The following LHFPL6 variants were observed in gnomAD, a reference collection of about 807,000 sequenced individuals.
LHFPL6 encodes LHFPL tetraspan subfamily member 6 protein.
In LHFPL6, 9 loss-of-function variants were observed where a neutral mutation model predicts 20.6. The observed-to-expected ratio is 0.44, with a 90% CI of 0.26 to 0.76. The LOEUF (loss-of-function observed/expected upper bound fraction) is 0.76, where lower values mean the gene tolerates loss of function less well. LHFPL6 is among the 30% of genes least tolerant of loss of function. The pLI, the probability that LHFPL6 is intolerant of heterozygous loss-of-function variation, is 0.20. For synonymous variants in LHFPL6, 105 were observed against 98.7 expected, an observed-to-expected ratio of 1.06 and a Z score of -0.38; for missense variants, 218 against 253.5, an observed-to-expected ratio of 0.86 and a Z score of 0.95.
chr13:39,556,705 A>G (rs1871312968), intron 2 of LHFPL6, among the ~76,000 whole-genome samples: 1 of 152,174 alleles, frequency 6.6e-6, no homozygotes, highest in Non-Finnish European at 1.5e-5. Context: ...GGCTCATGCT[A>G]TAAACCCAGC....
chr13:39,397,274 A>T (rs1199882781), intron 2 of LHFPL6, among the ~76,000 whole-genome samples: 2 of 152,188 alleles, frequency 1.3e-5, no homozygotes, highest in African/African-American at 4.8e-5. Flanking sequence ...TGGTTTCTCC[A>T]AGCACAACAT....
intron 2 of LHFPL6, among the ~76,000 whole-genome samples, chr13:39,419,114 C>G (rs1009898459): frequency 6.6e-6 from 1 of 152,116 alleles, no homozygotes; most frequent in African/African-American, 2.4e-5. Context: ...TGGGCTGTAC[C>G]AGTCCATCTA....
chr13:39,415,414 C>T (rs375252155), intron 2 of LHFPL6, among the ~76,000 whole-genome samples: 18 of 151,700 alleles, frequency 1.2e-4, no homozygotes, highest in Admixed American at 9.8e-4. Context: ...TGTATGCATA[C>T]GCACATGTGG....
chr13:39,352,552 G>A (rs1218855831), intron 3 of LHFPL6, among the ~76,000 whole-genome samples: 1 of 151,978 alleles, frequency 6.6e-6, no homozygotes, highest in African/African-American at 2.4e-5. Flanking sequence ...TGAGCTCCAT[G>A]GGATCCCCAT....
At chr13:39,478,619 C>A (rs1198849618) in intron 2 of LHFPL6, among the ~76,000 whole-genome samples, 1 of 152,100 alleles carries the variant, frequency 6.6e-6, no homozygotes, top group African/African-American at 2.4e-5. Context: ...AATCAGTCAA[C>A]TCAGTAAAAT....
chr13:39,413,963 C>T (rs949038206), intron 2 of LHFPL6, among the ~76,000 whole-genome samples: 6 of 152,068 alleles, frequency 3.9e-5, no homozygotes, highest in South Asian at 2.1e-4. Context: ...TTTATGTTTA[C>T]GAGACTCATC....
intron 2 of LHFPL6, among the ~76,000 whole-genome samples, chr13:39,563,246 A>C (rs910142065): frequency 3.3e-5 from 5 of 152,176 alleles, no homozygotes; most frequent in Non-Finnish European, 5.9e-5. Flanking sequence ...TAAAAATAAA[A>C]GGGAGCTGGA....
rs550835932 is a variant in LHFPL6 at position 39,464,373 on chromosome 13, C to T, written c.386-85847G>A. ...CAAAGGATAATCATTTCATATTTGA[C>T]CCAGACCAACAAAGTGAAAACAGCT... On this transcript the variant is annotated intron_variant, in intron 2 of 3. Transcript: ENST00000379589. Among the ~76,000 whole-genome samples the T allele has an allele frequency of 1.2e-4, 19 of 152,122 alleles. No individual in the cohort carries two copies. In the South Asian group the frequency reaches 3.9e-3, roughly 32 times the overall value.
chr13:39,394,089 C>T (rs1006876131), intron 2 of LHFPL6, among the ~76,000 whole-genome samples: 23 of 152,106 alleles, frequency 1.5e-4, no homozygotes, highest in Admixed American at 8.5e-4. Context: ...TACAGGCATA[C>T]GCCACCACAC....
intron 2 of LHFPL6, among the ~76,000 whole-genome samples, chr13:39,462,474 A>G (rs2138429828): frequency 6.6e-6 from 1 of 152,338 alleles, no homozygotes; most frequent in East Asian, 1.9e-4. Context: ...CATAATTGTC[A>G]AGATGTTTAA....
intron 2 of LHFPL6, among the ~76,000 whole-genome samples, chr13:39,390,201 AAAG>A (rs1870669467): frequency 6.6e-6 from 1 of 152,178 alleles, no homozygotes; most frequent in Non-Finnish European, 1.5e-5. Flanking sequence ...CTGGATAGTG[AAAG>A]AAGGACTTTC....
At chr13:39,514,618 T>C (rs1869839795) in intron 2 of LHFPL6, among the ~76,000 whole-genome samples, 1 of 152,158 alleles carries the variant, frequency 6.6e-6, no homozygotes, top group South Asian at 2.1e-4. Context: ...GGCAGTGCAT[T>C]ATTACCCAGC....
intron 2 of LHFPL6, among the ~76,000 whole-genome samples, chr13:39,592,007 A>C (rs1214643225): frequency 1.3e-5 from 2 of 152,048 alleles, no homozygotes; most frequent in Non-Finnish European, 2.9e-5. Context: ...AAGGCGGGAG[A>C]ATCGCTTGAA....
At chr13:39,346,976 T>G (rs989019069) in intron 3 of LHFPL6, among the ~76,000 whole-genome samples, 20 of 149,900 alleles carry the variant, frequency 1.3e-4, no homozygotes, top group African/African-American at 4.7e-4. Context: ...TTAGCACAAG[T>G]GGCCCACCCA....
chr13:39,571,608 G>C (rs1013467314), intron 2 of LHFPL6, among the ~76,000 whole-genome samples: 5 of 152,236 alleles, frequency 3.3e-5, no homozygotes, highest in Non-Finnish European at 7.3e-5. Context: ...TGCCGGACAA[G>C]AGCTCGGGAC....
intron 2 of LHFPL6, among the ~76,000 whole-genome samples, chr13:39,569,597 A>C (rs1202916511): frequency 6.6e-6 from 1 of 152,202 alleles, no homozygotes; most frequent in African/African-American, 2.4e-5. Flanking sequence ...AATTTACCTC[A>C]ACTTTGGTTT....
At chr13:39,515,055 C>T (rs563865450) in intron 2 of LHFPL6, among the ~76,000 whole-genome samples, 8 of 152,332 alleles carry the variant, frequency 5.3e-5, no homozygotes, top group African/African-American at 1.7e-4. Flanking sequence ...TATTGAACTG[C>T]GTTCATTGGA....
At chr13:39,475,428 CT>C (rs199666257) in intron 2 of LHFPL6, among the ~76,000 whole-genome samples, 108 of 146,320 alleles carry the variant, frequency 7.4e-4, no homozygotes, top group East Asian at 7.9e-4. Flanking sequence ...ACTGCTCCAT[CT>C]TTTTTTTTTT....
At chr13:39,594,734 T>C (rs1872716969) in intron 2 of LHFPL6, among the ~76,000 whole-genome samples, 1 of 152,162 alleles carries the variant, frequency 6.6e-6, no homozygotes, top group South Asian at 2.1e-4. Flanking sequence ...CCAACAATGA[T>C]AGACTGGATT....
Sources: allele counts gnomAD v4.1 joint callset (sites outside exome capture counted in the v4.1 genomes callset), GRCh38; gene constraint gnomAD v4.1.1; transcripts MANE v1.5; gene names NCBI Gene and HGNC (gene_info 2026-07-23, HGNC 2026-07-21).